Variants in KCNH7 observed in about 807,000 individuals in gnomAD.
KCNH7 encodes voltage-gated inwardly rectifying potassium channel KCNH7.
KCNH7 carries 49 observed loss-of-function variants against 120.8 expected under a neutral mutation model. That is an observed-to-expected ratio of 0.41 (90% CI 0.32 to 0.51). The LOEUF is 0.51. KCNH7 is among the 20% of genes least tolerant of loss of function. KCNH7 has a pLI of 0.38. For synonymous variants in KCNH7, 547 were observed against 516.1 expected, an observed-to-expected ratio of 1.06 and a Z score of -0.81; for missense variants, 1,097 against 1,446.6, an observed-to-expected ratio of 0.76 and a Z score of 3.92.
intron 2 of KCNH7, among the ~76,000 whole-genome samples, chr2:162,835,933 T>G (rs1685649250): frequency 6.6e-6 from 1 of 152,156 alleles, no homozygotes; most frequent in African/African-American, 2.4e-5. Flanking sequence ...TTTTCTACAT[T>G]TCTTATTTCA....
chr2:162,456,327 A>G (rs1473099338), intron 6 of KCNH7, among the ~76,000 whole-genome samples: 1 of 152,088 alleles, frequency 6.6e-6, no homozygotes, highest in Non-Finnish European at 1.5e-5. Context: ...CATAATACAT[A>G]ATGGAAATTA....
chr2:162,642,114 G>T (rs1258034382), intron 2 of KCNH7, among the ~76,000 whole-genome samples: 3 of 152,096 alleles, frequency 2.0e-5, no homozygotes, highest in Non-Finnish European at 1.5e-5. Context: ...GAGAGTTTTT[G>T]CTGTGGTTAA....
chr2:162,392,856 G>T (rs1234605871), intron 12 of KCNH7, among the ~76,000 whole-genome samples: 1 of 151,524 alleles, frequency 6.6e-6, no homozygotes, highest in Admixed American at 6.6e-5. Context: ...AGAGGGCTTT[G>T]AACATGTAGG....
At chr2:162,429,384 T>TTC (rs1687987499) in intron 8 of KCNH7, among the ~76,000 whole-genome samples, 1 of 11,454 alleles carries the variant, frequency 8.7e-5, no homozygotes, top group Non-Finnish European at 9.0e-4. Context: ...GGAAAAAGTC[T>TTC]TTTTTTTTTT....
chr2:162,558,252 T>G (rs961857945), intron 2 of KCNH7, among the ~76,000 whole-genome samples: 3 of 151,918 alleles, frequency 2.0e-5, no homozygotes, highest in African/African-American at 7.3e-5. Flanking sequence ...TCGGCTCACT[T>G]CAAGCTCTGC....
intron 2 of KCNH7, among the ~76,000 whole-genome samples, chr2:162,644,956 T>G (rs1327485123): frequency 2.0e-5 from 3 of 152,228 alleles, no homozygotes; most frequent in East Asian, 3.9e-4. Flanking sequence ...AGTCAATATA[T>G]GTGTGTGTGT....
chr2:162,578,435 A>T (rs1288794032), intron 2 of KCNH7, among the ~76,000 whole-genome samples: 1 of 151,966 alleles, frequency 6.6e-6, no homozygotes, highest in Non-Finnish European at 1.5e-5. Flanking sequence ...AACCGGTGAC[A>T]CATCTAAAGC....
rs374885049 is a variant in KCNH7, at chr2:162,434,089, G to C, written c.1954+1109C>G. ...AGCATGTCCTTTGCAGCAACATGGC[G>C]GCAGCTGGAGGCCATTATCCTAAGT... On this transcript the variant is annotated intron_variant, in intron 8 of 15. Coordinates refer to ENST00000332142, the MANE Select transcript of KCNH7 (RefSeq NM_033272.4). Among the ~76,000 whole-genome samples the C allele has an allele frequency of 1.1e-4, 17 of 152,022 alleles. No individual in the cohort carries two copies. The South Asian group carries it at 3.5e-3, about 32-fold the overall frequency.
In KCNH7 at chr2:162,480,252, T is replaced by C. The variant is rs569818360; in HGVS notation, c.1128+24191A>G. Among the ~76,000 whole-genome samples, 4 of 152,282 alleles carry C rather than the reference T, an allele frequency of 2.6e-5. No individual in the cohort carries two copies. In the South Asian group the frequency reaches 8.3e-4, roughly 32 times the overall value. On this transcript the variant is annotated intron_variant, in intron 6 of 15. Transcript: ENST00000332142. ...TGACTGATTACTACATTGTAAATGA[T>C]TCAGTCTTCAGTAAACACAGGAAGC... is the stretch of plus-strand genomic sequence containing the variant.
At chr2:162,660,195 T>C (rs1005303892) in intron 2 of KCNH7, among the ~76,000 whole-genome samples, 4 of 152,178 alleles carry the variant, frequency 2.6e-5, no homozygotes, top group Admixed American at 2.6e-4. Context: ...TCTTTTCTGG[T>C]TTCCTAAAAT....
intron 2 of KCNH7, among the ~76,000 whole-genome samples, chr2:162,609,079 C>A (rs76807834): frequency 0.028 from 4,233 of 152,226 alleles, 209 homozygotes; most frequent in African/African-American, 0.097. Context: ...ACTCTTCACG[C>A]AGTTTTCAAG....
chr2:162,417,881 G>A (rs1472618638), intron 9 of KCNH7, among the ~76,000 whole-genome samples: 1 of 152,136 alleles, frequency 6.6e-6, no homozygotes, highest in Non-Finnish European at 1.5e-5. Flanking sequence ...TCCAGATGGT[G>A]TTTTCTTGTT....
At chr2:162,434,131 AG>A (rs2105518467) in intron 8 of KCNH7, among the ~76,000 whole-genome samples, 2 of 152,308 alleles carry the variant, frequency 1.3e-5, no homozygotes, top group Non-Finnish European at 2.9e-5. Context: ...ATACAGGAAC[AG>A]AAAACCAAAG....
At chr2:162,551,318 C>T (rs1170161445) in intron 2 of KCNH7, among the ~76,000 whole-genome samples, 4 of 152,052 alleles carry the variant, frequency 2.6e-5, no homozygotes, top group African/African-American at 9.7e-5. Flanking sequence ...AACTTGCCCA[C>T]AAATCTTGCA....
At chr2:162,831,136 T>G (rs1331649470) in intron 2 of KCNH7, among the ~76,000 whole-genome samples, 1 of 152,156 alleles carries the variant, frequency 6.6e-6, no homozygotes, top group African/African-American at 2.4e-5. Flanking sequence ...ATGTGCAATT[T>G]GGCAAATTAT....
At chr2:162,829,849 G>A (rs202205170) in intron 2 of KCNH7, among the ~76,000 whole-genome samples, 1 of 136,136 alleles carries the variant, frequency 7.3e-6, no homozygotes, top group African/African-American at 2.7e-5. Context: ...AACTTTATCT[G>A]TTTTTTTTTT....
chr2:162,423,935 C>T (rs1687781467), intron 8 of KCNH7, among the ~76,000 whole-genome samples: 1 of 151,992 alleles, frequency 6.6e-6, no homozygotes. Context: ...TTTAAAAACC[C>T]TTTTTGAATT....
chr2:162,413,263 G>T (rs1304529716), intron 9 of KCNH7, among the ~76,000 whole-genome samples: 2 of 151,976 alleles, frequency 1.3e-5, no homozygotes, highest in Non-Finnish European at 2.9e-5. Context: ...CAGATAGCTG[G>T]GATTGCAGGT....
intron 2 of KCNH7, among the ~76,000 whole-genome samples, chr2:162,694,460 G>A (rs1448502388): frequency 6.7e-6 from 1 of 149,564 alleles, no homozygotes; most frequent in Non-Finnish European, 1.5e-5. Context: ...GCTGGTGCGT[G>A]TGGGTATGTG....
Sources: allele counts gnomAD v4.1 joint callset (sites outside exome capture counted in the v4.1 genomes callset), GRCh38; gene constraint gnomAD v4.1.1; transcripts MANE v1.5; gene names NCBI Gene and HGNC (gene_info 2026-07-23, HGNC 2026-07-21).